Variants in ITGA11 observed in about 807,000 individuals in gnomAD.
ITGA11 encodes integrin alpha-11.
ITGA11 carries 97 observed loss-of-function variants against 141.9 expected under a neutral mutation model. The observed-to-expected ratio is 0.68, with a 90% CI of 0.58 to 0.81. ITGA11 has a LOEUF of 0.81. ITGA11 is among the 30% of genes least tolerant of loss of function. The probability of loss-of-function intolerance (pLI) is 0.00; values close to 1 mark genes in which losing one functional copy is unlikely to be tolerated. For synonymous variants in ITGA11, 658 were observed against 624.6 expected (o/e 1.05, Z -0.80); for missense variants, 1,387 against 1,559.2 (o/e 0.89, Z 1.86).
intron 1 of ITGA11, among the ~76,000 whole-genome samples, chr15:68,426,112 C>T (rs759262051): frequency 2.0e-5 from 3 of 152,222 alleles, no homozygotes; most frequent in Non-Finnish European, 4.4e-5. Context: ...CCAGGTAGGT[C>T]TTCCAGCCTC....
intron 5 of ITGA11, among the ~76,000 whole-genome samples, chr15:68,360,339 T>A (rs1409993947): frequency 1.3e-5 from 2 of 152,236 alleles, no homozygotes; most frequent in Non-Finnish European, 1.5e-5. Flanking sequence ...GCTTTATTAT[T>A]ATAATGCATT....
At chr15:68,345,917 C>G (rs1331770206) in intron 10 of ITGA11, among the ~76,000 whole-genome samples, 1 of 152,230 alleles carries the variant, frequency 6.6e-6, no homozygotes, top group African/African-American at 2.4e-5. Context: ...TGCCCGGTCA[C>G]AGAGCCAGCC....
rs1191231893 is a variant in ITGA11, at chr15:68,339,603, A to G, written c.1173T>C (p.Asn391=). Residue 391 remains asparagine (N), a synonymous_variant, in exon 11 of 30, where the codon AAT becomes AAC. Coordinates refer to ENST00000315757, the MANE Select transcript of ITGA11 (RefSeq NM_001004439.2). ...LLGAVGAYDW[N]GAVLKETSAG... ...CACTCGTCTCCTTTAGCACAGCTCCATTCCAGTCATAGGCACCGACGGCTC... is the reference window on the plus strand; with the variant it reads ...CACTCGTCTCCTTTAGCACAGCTCCGTTCCAGTCATAGGCACCGACGGCTC... The G allele has an allele frequency of 6.2e-7, 1 of 1,613,978 alleles. No individual in the cohort carries two copies. Among genetic ancestry groups the G allele is most frequent in the Non-Finnish European group, 8.5e-7 (1 of 1,179,882 alleles).
intron 20 of ITGA11, among the ~76,000 whole-genome samples, chr15:68,317,811 C>T (rs1266930840): frequency 2.0e-5 from 3 of 152,150 alleles, no homozygotes; most frequent in Non-Finnish European, 4.4e-5. Flanking sequence ...GTTCTCTGCA[C>T]TGTTGGGCAT....
In ITGA11 at chr15:68,321,459, A is replaced by G. The variant is rs1388283944; in HGVS notation, c.2367T>C (p.Pro789=). The change falls in exon 19 of 30, where the codon CCT becomes CCC. Residue 789 remains proline, a synonymous_variant. Transcript: ENST00000315757. The surrounding 1 kb of genome is among the most constrained non-coding windows in gnomAD (Gnocchi z 4.9). ...NGCNEDEHCV[P]DLVLDARSDL... ...CACTCCGGGCATCCAACACAAGGTC[A>G]GGGACACAGTGCTCATCCTCATTGC... 6.3e-7 allele frequency: 1 copy of G among 1,594,330 alleles called. No individual in the cohort carries two copies.
Position 68,298,578 on chromosome 15 carries a change from A to G in ITGA11, c.*4481T>C, listed in dbSNP as rs1892957836. On this transcript the variant is annotated 3_prime_UTR_variant, in exon 30 of 30. Transcript: ENST00000315757. ...GAGGTCGAGGCTGCAGGGAGCTGTG[A>G]TTGTGCCGCTGCACTCTAGCCTGGG... 6.6e-6 allele frequency: 1 copy of G among 152,214 alleles called. No homozygotes were observed. Among genetic ancestry groups the G allele is most frequent in the African/African-American group, 2.4e-5 (1 of 41,426 alleles). 9.4% of individuals were successfully genotyped at this position (152,214 alleles called of 1,614,324 possible). A position where few individuals can be genotyped will look rare whatever the true frequency, so the allele number is the denominator to read the frequency against.
chr15:68,417,748 T>G (rs923222219), intron 1 of ITGA11, among the ~76,000 whole-genome samples: 1 of 152,246 alleles, frequency 6.6e-6, no homozygotes, highest in Admixed American at 6.5e-5. Context: ...TCTTTGCATT[T>G]GCAGTCCCCT....
chr15:68,299,527 C>T lies in ITGA11; in HGVS notation c.*3532G>A, dbSNP rs760210267. On this transcript the variant is annotated 3_prime_UTR_variant, in exon 30 of 30. Transcript: ENST00000315757. Reference sequence around the variant, plus strand: ...GTGGTGTTGAATAAAAACAGGGGACCATTCATACTAATGGCTGTATTTAAG... The same window carrying T: ...GTGGTGTTGAATAAAAACAGGGGACTATTCATACTAATGGCTGTATTTAAG... 6.6e-6 allele frequency: 1 copy of T among 151,786 alleles called. No homozygotes were observed. The highest frequency in any genetic ancestry group is 1.5e-5 in the Non-Finnish European group (1 of 67,986). The allele number at this position is 151,786 out of a possible 1,614,324, so 9.4% of individuals were successfully genotyped here.
Position 68,365,477 on chromosome 15 carries a change from G to A in ITGA11, c.266-679C>T, listed in dbSNP as rs1024567409. ...TCATAAAAAAATTGCATCGCTTAAG[G>A]TTTTACCAGATCATCCTGGAGGCCA... On this transcript the variant is annotated intron_variant, in intron 3 of 29. Transcript: ENST00000315757. 2.0e-5 allele frequency: 6 copies of A among 299,622 alleles called. No individual in the cohort carries two copies. In the East Asian group the frequency reaches 8.7e-4, roughly 44 times the overall value. 18.6% of individuals were successfully genotyped at this position (299,622 alleles called of 1,614,324 possible). A position where few individuals can be genotyped will look rare whatever the true frequency, so the allele number is the denominator to read the frequency against.
Position 68,307,768 on chromosome 15 carries a change from C to T in ITGA11, c.3175-72G>A, listed in dbSNP as rs921424148. ...GCAGGGGGCAGCAACACTGCTTGAA[C>T]GACTGGGGCTCTGCTCCTGGGGGCA... On this transcript the variant is annotated intron_variant, in intron 26 of 29. Transcript: ENST00000315757. The surrounding 1 kb of genome is among the most constrained non-coding windows in gnomAD (Gnocchi z 6.1). 6 of 1,014,608 alleles carry T rather than the reference C, an allele frequency of 5.9e-6. No homozygotes were observed. Among genetic ancestry groups the T allele is most frequent in the South Asian group, 2.8e-5 (2 of 72,434 alleles). 62.9% of individuals were successfully genotyped at this position (1,014,608 alleles called of 1,614,324 possible).
chr15:68,377,460 A>G (rs1366614141), intron 2 of ITGA11, among the ~76,000 whole-genome samples: 4 of 86,418 alleles, frequency 4.6e-5, no homozygotes, highest in Non-Finnish European at 1.2e-4. Flanking sequence ...ATTAGTAGAG[A>G]CAGGGTTTCA....
intron 1 of ITGA11, among the ~76,000 whole-genome samples, chr15:68,431,416 G>A (rs554667559): frequency 1.3e-5 from 2 of 152,352 alleles, no homozygotes; most frequent in Admixed American, 6.5e-5. Flanking sequence ...GTGTCCCGCC[G>A]CTGCTGGCCG....
At position 68,325,117 on chromosome 15, in the gene ITGA11, G is replaced by A. The variant is rs1411621020; in HGVS notation, c.2322+14C>T. On this transcript the variant is annotated intron_variant, in intron 18 of 29. Coordinates refer to ENST00000315757, the MANE Select transcript of ITGA11 (RefSeq NM_001004439.2). This position sits in a 1 kb window ranked among gnomAD's most constrained non-coding sequence, Gnocchi z 5.5. ...GGTTCATGCCCGAGGTGCGTGCCCT[G>A]TACCGAGATGTACCGAGACTCTGAG... is the stretch of plus-strand genomic sequence containing the variant. 2 of 1,598,520 alleles carry A rather than the reference G, an allele frequency of 1.3e-6. No individual in the cohort carries two copies. The highest frequency in any genetic ancestry group is 2.2e-5 in the East Asian group (1 of 44,784).
intron 9 of ITGA11, 104 bp downstream of exon 9, chr15:68,350,513 T>G: frequency 8.8e-7 from 1 of 1,137,646 alleles, no homozygotes; most frequent in South Asian, 1.6e-5. Context: ...TACGGAAGAC[T>G]CTTGTTAAGC....
At chr15:68,396,976 T>TATTTATTATATAACATATA (rs1567156524) in intron 2 of ITGA11, among the ~76,000 whole-genome samples, 6 of 39,098 alleles carry the variant, frequency 1.5e-4, no homozygotes, top group East Asian at 1.2e-3. Context: ...AATAATATAT[T>TATTTATTATATAACATATA]ATATATTATT....
In ITGA11 at chr15:68,324,225, G is replaced by A. The variant is rs1396971798; in HGVS notation, c.2322+906C>T. On this transcript the variant is annotated intron_variant, in intron 18 of 29. Coordinates refer to ENST00000315757, the MANE Select transcript of ITGA11 (RefSeq NM_001004439.2). This position sits in a 1 kb window ranked among gnomAD's most constrained non-coding sequence, Gnocchi z 6.3. ...GGAGGGGCTGTGGGGGATGATGGGT[G>A]TGAATGAGAGAAGGGGAGGTTTTCA... Among the ~76,000 whole-genome samples the A allele has an allele frequency of 6.6e-6, 1 of 152,026 alleles. No individual in the cohort carries two copies. Among genetic ancestry groups the A allele is most frequent in the African/African-American group, 2.4e-5 (1 of 41,376 alleles).
At chr15:68,340,213 CAAAA>C (rs10618087) in intron 10 of ITGA11, among the ~76,000 whole-genome samples, 10 of 143,418 alleles carry the variant, frequency 7.0e-5, no homozygotes, top group African/African-American at 2.3e-4. Context: ...CTTGAAGATA[CAAAA>C]AAAAAAAAAA....
chr15:68,400,000 A>G (rs1021693124), intron 2 of ITGA11, among the ~76,000 whole-genome samples: 1 of 152,194 alleles, frequency 6.6e-6, no homozygotes, highest in Non-Finnish European at 1.5e-5. Flanking sequence ...GAGAATTCAC[A>G]CTACCTGACT....
intron 10 of ITGA11, among the ~76,000 whole-genome samples, chr15:68,341,648 A>G (rs144637075): frequency 6.7e-4 from 102 of 152,234 alleles, no homozygotes; most frequent in Middle Eastern, 3.4e-3. Context: ...TTGGGGTCTG[A>G]CTTTCTTCCT....
Sources: allele counts gnomAD v4.1 joint callset (sites outside exome capture counted in the v4.1 genomes callset), GRCh38; gene constraint gnomAD v4.1.1; non-coding constraint Gnocchi (gnomAD v3.1); transcripts MANE v1.5; gene names NCBI Gene and HGNC (gene_info 2026-07-23, HGNC 2026-07-21).